Variants in ZNF735 observed in about 807,000 individuals in gnomAD.
ZNF735 encodes putative zinc finger protein 735.
ZNF735 carries 11 observed loss-of-function variants against 13.4 expected under a neutral mutation model. The observed-to-expected ratio is 0.82, with a 90% CI of 0.52 to 1.36. The LOEUF is 1.36. Ranked by LOEUF, ZNF735 falls within the 40% of genes most tolerant of loss-of-function variation. The pLI, the probability that ZNF735 is intolerant of heterozygous loss-of-function variation, is 0.00. For synonymous variants in ZNF735, 171 were observed against 162.6 expected, an observed-to-expected ratio of 1.05 and a Z score of -0.39; for missense variants, 500 against 484.6, an observed-to-expected ratio of 1.03 and a Z score of -0.30.
intron 1 of ZNF735, among the ~76,000 whole-genome samples, chr7:64,208,499 TG>T (rs2116475524): frequency 6.6e-6 from 1 of 152,050 alleles, no homozygotes; most frequent in Non-Finnish European, 1.5e-5. Context: ...TCAGGTGATC[TG>T]CCTGCCTCAG....
chr7:64,207,546 T>C (rs967212966), intron 1 of ZNF735, among the ~76,000 whole-genome samples: 7 of 152,208 alleles, frequency 4.6e-5, no homozygotes, highest in Non-Finnish European at 8.8e-5. Flanking sequence ...TTGGGAAAGT[T>C]ATCAGGGGAG....
chr7:64,208,001 G>C (rs1787310024), intron 1 of ZNF735, among the ~76,000 whole-genome samples: 1 of 151,644 alleles, frequency 6.6e-6, no homozygotes, highest in East Asian at 2.0e-4. Context: ...AAAAAAAGAA[G>C]AACCATAGAG....
At chr7:64,212,975 CT>C (rs1371183985) in intron 1 of ZNF735, 116 bp from the exon 2 acceptor site, 7 of 1,105,652 alleles carry the variant, frequency 6.3e-6, no homozygotes, top group Non-Finnish European at 9.1e-6. Context: ...TTCAGTCACT[CT>C]TGTAAGTGAG....
At chr7:64,214,290 C>T (rs545624532) in intron 3 of ZNF735, among the ~76,000 whole-genome samples, 182 bp downstream of exon 3, 1 of 151,860 alleles carries the variant, frequency 6.6e-6, no homozygotes, top group East Asian at 1.9e-4. Context: ...CACCTTCTGC[C>T]CCATGCTGTT....
chr7:64,213,615 A>G (rs1416732576), intron 2 of ZNF735, among the ~76,000 whole-genome samples: 1 of 152,176 alleles, frequency 6.6e-6, no homozygotes, highest in African/African-American at 2.4e-5. Flanking sequence ...AGAATTTTCT[A>G]TTATATCCTT....
chr7:64,212,057 A>C (rs975492729), intron 1 of ZNF735, among the ~76,000 whole-genome samples: 1 of 152,134 alleles, frequency 6.6e-6, no homozygotes, highest in Non-Finnish European at 1.5e-5. Context: ...CAAGATCTCT[A>C]TGACATTTTT....
chr7:64,212,755 C>T (rs928542022), intron 1 of ZNF735, among the ~76,000 whole-genome samples: 1 of 149,522 alleles, frequency 6.7e-6, no homozygotes, highest in African/African-American at 2.5e-5. Context: ...CACGCTACTG[C>T]ACTCCAGTCT....
At chr7:64,210,033 A>G (rs993719943) in intron 1 of ZNF735, among the ~76,000 whole-genome samples, 7 of 152,196 alleles carry the variant, frequency 4.6e-5, no homozygotes, top group African/African-American at 1.2e-4. Flanking sequence ...GAGAAACATA[A>G]GAATAAATAA....
At chr7:64,208,402 G>A (rs181379338) in intron 1 of ZNF735, among the ~76,000 whole-genome samples, 1 of 151,620 alleles carries the variant, frequency 6.6e-6, no homozygotes, top group Admixed American at 6.6e-5. Flanking sequence ...AATTACAGGT[G>A]TAGGCCACCA....
intron 3 of ZNF735, among the ~76,000 whole-genome samples, 170 bp downstream of exon 3, chr7:64,214,278 G>A (rs1343442557): frequency 6.6e-6 from 1 of 151,756 alleles, no homozygotes; most frequent in Non-Finnish European, 1.5e-5. Flanking sequence ...CTCACATTGG[G>A]ACACCTTCTG....
exon 4 of ZNF735, chr7:64,219,931 G>A: frequency 6.2e-7 from 1 of 1,613,930 alleles, no homozygotes; most frequent in Non-Finnish European, 8.5e-7. Context: ...TCATACTGGA[G>A]AGAGACCCTA....
intron 1 of ZNF735, among the ~76,000 whole-genome samples, chr7:64,210,055 T>A (rs1300597854): frequency 6.6e-6 from 1 of 152,226 alleles, no homozygotes; most frequent in Non-Finnish European, 1.5e-5. Context: ...AATGCTGTGC[T>A]CTTAATCCAA....
chr7:64,212,030 A>G (rs1787366875), intron 1 of ZNF735, among the ~76,000 whole-genome samples: 1 of 152,090 alleles, frequency 6.6e-6, no homozygotes, highest in South Asian at 2.1e-4. Context: ...GGTGATAACA[A>G]TTTTATTCAC....
At chr7:64,213,355 G>C (rs1271355685) in intron 2 of ZNF735, 137 bp downstream of exon 2, 2 of 878,064 alleles carry the variant, frequency 2.3e-6, no homozygotes, top group Non-Finnish European at 1.7e-6. Context: ...CATTGGTGTA[G>C]ATTAAATTCT....
intron 1 of ZNF735, among the ~76,000 whole-genome samples, chr7:64,212,188 T>C (rs1049007703): frequency 5.9e-5 from 9 of 152,212 alleles, no homozygotes; most frequent in Non-Finnish European, 1.2e-4. Context: ...AGATGACTTT[T>C]GCATATATTT....
chr7:64,208,374 A>C (rs915025830), intron 1 of ZNF735, among the ~76,000 whole-genome samples: 2 of 145,418 alleles, frequency 1.4e-5, no homozygotes, highest in Non-Finnish European at 3.0e-5. Context: ...GTCCTGCCTC[A>C]GCCTCCCGAG....
rs1397735563 is a variant in ZNF735 at position 64,213,999 on chromosome 7, T to C, written c.167-14T>C. 2.5e-6 allele frequency: 4 copies of C among 1,576,094 alleles called. No individual in the cohort carries two copies. The Admixed American group carries it at 5.4e-5, about 21-fold the overall frequency. The stretch of plus-strand genomic sequence containing the variant: ...AAATAAGATTTAAGTTACTTTTTTT[T>C]CTTAATAAAACAGGTATGACTGTCT... On this transcript the variant is annotated splice_polypyrimidine_tract_variant and intron_variant, in intron 2 of 3. Transcript: ENST00000429565.
At chr7:64,219,355 A>G (rs10270226) in exon 4 of ZNF735, 1,035,590 of 1,613,350 alleles carry the variant, frequency 0.64, 333,579 homozygotes, top group East Asian at 0.78. Context: ...GCCAGAGCAG[A>G]GCATAAAAGA....
intron 3 of ZNF735, among the ~76,000 whole-genome samples, chr7:64,217,969 A>G (rs1364918761): frequency 6.6e-6 from 1 of 152,136 alleles, no homozygotes; most frequent in Non-Finnish European, 1.5e-5. Context: ...TGTTTTCTGT[A>G]CAATCACAAT....
Sources: allele counts gnomAD v4.1 joint callset (sites outside exome capture counted in the v4.1 genomes callset), GRCh38; gene constraint gnomAD v4.1.1; transcripts MANE v1.5; gene names NCBI Gene and HGNC (gene_info 2026-07-23, HGNC 2026-07-21).